Variants in ST18 observed in about 807,000 individuals in gnomAD.
The protein encoded by ST18 is ST18 C2H2C-type zinc finger transcription factor.
ST18 carries 50 observed loss-of-function variants against 110.0 expected under a neutral mutation model. That is an observed-to-expected ratio of 0.45 (90% CI 0.36 to 0.58). The LOEUF (loss-of-function observed/expected upper bound fraction) is 0.58. Among genes scored for constraint, ST18 ranks in the 20% least tolerant of loss-of-function variants. ST18 has a pLI of 0.00. For missense variants in ST18, 1,306 were observed against 1,280.1 expected, an observed-to-expected ratio of 1.02 and a Z score of -0.31; for synonymous variants, 461 against 452.4, an observed-to-expected ratio of 1.02 and a Z score of -0.24.
At chr8:52,262,110 C>A (rs1436291580) in intron 2 of ST18, among the ~76,000 whole-genome samples, 1 of 152,146 alleles carries the variant, frequency 6.6e-6, no homozygotes. Context: ...TGAAAGGATG[C>A]AAGGGGAAGA....
intron 8 of ST18, among the ~76,000 whole-genome samples, chr8:52,195,173 T>C (rs887978282): frequency 1.3e-5 from 2 of 152,162 alleles, no homozygotes; most frequent in African/African-American, 4.8e-5. Flanking sequence ...CATAGGGATG[T>C]ACCCGGAAGA....
chr8:52,370,600 A>G (rs1829918041), intron 2 of ST18, among the ~76,000 whole-genome samples: 2 of 152,194 alleles, frequency 1.3e-5, no homozygotes, highest in African/African-American at 4.8e-5. Context: ...ACAAGTATAC[A>G]GATTTTGAAG....
intron 2 of ST18, among the ~76,000 whole-genome samples, chr8:52,389,942 CAACAACAACAA>C (rs752809347): frequency 2.0e-4 from 30 of 152,174 alleles, no homozygotes; most frequent in Non-Finnish European, 4.1e-4. Flanking sequence ...ACAACAACAA[CAACAACAACAA>C]AAAGTTTAAT....
intron 10 of ST18, among the ~76,000 whole-genome samples, chr8:52,168,571 G>A (rs1289966452): frequency 6.6e-6 from 1 of 152,102 alleles, no homozygotes; most frequent in Non-Finnish European, 1.5e-5. Context: ...GATCCTTCGA[G>A]TCGTTCTGCG....
At chr8:52,353,634 C>A (rs1460021639) in intron 2 of ST18, among the ~76,000 whole-genome samples, 1 of 152,098 alleles carries the variant, frequency 6.6e-6, no homozygotes, top group Non-Finnish European at 1.5e-5. Context: ...GAGTTTTAAT[C>A]AGGTGTTTCA....
chr8:52,305,947 C>T (rs902448859), intron 2 of ST18, among the ~76,000 whole-genome samples: 36 of 152,192 alleles, frequency 2.4e-4, no homozygotes, highest in African/African-American at 8.2e-4. Flanking sequence ...TCCTTCAGGG[C>T]CTCCCTGTGT....
At chr8:52,132,964 A>G in intron 21 of ST18, 93 bp downstream of exon 21, 2 of 1,406,394 alleles carry the variant, frequency 1.4e-6, no homozygotes, top group South Asian at 1.2e-5. Context: ...CTTCCCTGAA[A>G]CTCAATCCGT....
chr8:52,366,102 T>A (rs560302939), intron 2 of ST18, among the ~76,000 whole-genome samples: 2 of 152,178 alleles, frequency 1.3e-5, no homozygotes, highest in East Asian at 3.9e-4. Context: ...TTGTCCAGAA[T>A]CATTCCGCTG....
At chr8:52,176,813 A>C (rs2067140298) in intron 9 of ST18, among the ~76,000 whole-genome samples, 1 of 152,126 alleles carries the variant, frequency 6.6e-6, no homozygotes, top group Non-Finnish European at 1.5e-5. Flanking sequence ...GTAACACTGG[A>C]TGTTATTATA....
intron 2 of ST18, among the ~76,000 whole-genome samples, chr8:52,243,701 G>A (rs772719278): frequency 3.4e-4 from 52 of 152,168 alleles, no homozygotes; most frequent in Admixed American, 7.2e-4. Context: ...TAAGCACTTC[G>A]CAAATGTTAA....
intron 7 of ST18, 131 bp from the exon 8 acceptor site, chr8:52,212,240 G>T: frequency 1.2e-6 from 1 of 807,490 alleles, no homozygotes; most frequent in Non-Finnish European, 1.9e-6. Context: ...ATCTTTTCTT[G>T]TTCTAGTTCT....
chr8:52,348,114 G>T (rs373980894), intron 2 of ST18, among the ~76,000 whole-genome samples: 3 of 152,048 alleles, frequency 2.0e-5, no homozygotes, highest in East Asian at 1.9e-4. Flanking sequence ...GTGGAGGAAA[G>T]GGAAGGAAGA....
chr8:52,130,119 A>AAAGAAAGAAAAGAAAGAAAG (rs67888949), intron 22 of ST18, among the ~76,000 whole-genome samples: 23 of 105,242 alleles, frequency 2.2e-4, no homozygotes, highest in East Asian at 1.7e-3. Flanking sequence ...AGAAAGAAAG[A>AAAGAAAGAAAAGAAAGAAAG]AAAGAAAGAA....
At chr8:52,278,898 C>T (rs1360555277) in intron 2 of ST18, among the ~76,000 whole-genome samples, 2 of 152,148 alleles carry the variant, frequency 1.3e-5, no homozygotes, top group Non-Finnish European at 2.9e-5. Flanking sequence ...TCTGGGTTGC[C>T]TCCTGCTGGA....
chr8:52,125,045 T>C (rs2046465949), intron 23 of ST18, among the ~76,000 whole-genome samples: 1 of 152,154 alleles, frequency 6.6e-6, no homozygotes, highest in Admixed American at 6.5e-5. Context: ...TCATTGTTTC[T>C]CAAATGCTTT....
At chr8:52,357,719 AT>A (rs1564568778) in intron 2 of ST18, among the ~76,000 whole-genome samples, 6 of 72,810 alleles carry the variant, frequency 8.2e-5, no homozygotes, top group East Asian at 9.0e-4. Context: ...ATATATATAT[AT>A]ATATATATAT....
chr8:52,342,290 G>T (rs528207397), intron 2 of ST18, among the ~76,000 whole-genome samples: 1 of 151,886 alleles, frequency 6.6e-6, no homozygotes, highest in Non-Finnish European at 1.5e-5. Flanking sequence ...CATATTCATG[G>T]GAGGAATCCA....
At position 52,141,572 on chromosome 8, in the gene ST18, A is replaced by G. The variant is rs28414482; in HGVS notation, c.2168+1358T>C. Among the ~76,000 whole-genome samples the G allele has an allele frequency of 4.4e-3, 666 of 152,228 alleles. 5 individuals are homozygous for G. Among genetic ancestry groups the G allele is most frequent in the African/African-American group, 0.016 (646 of 41,536 alleles). The stretch of plus-strand genomic sequence containing the variant: ...AATAGAGAGTGGAGGGAAGTGAAGA[A>G]AAGATCTGGGAATGGGAGCATCAGG... On this transcript the variant is annotated intron_variant, in intron 17 of 25. Transcript: ENST00000689386.
Position 52,132,168 on chromosome 8 carries a change from A to G in ST18, c.2456T>C (p.Ile819Thr), listed in dbSNP as rs756170751. ...TATGTGACCTTGGCCATCACACCCT[A>G]TCACAGGACATCTAGAGAGAAAGCA... Reference protein sequence around the residue: ...KEDPELKCPVIGCDGQGHISG... With the variant: ...KEDPELKCPVTGCDGQGHISG... Residue 819 changes from isoleucine (I) to threonine (T), a missense_variant, in exon 22 of 26, where the codon ATA (isoleucine) becomes ACA (threonine). Ile to Thr is a moderately conservative substitution (Grantham distance 89). Coordinates refer to ENST00000689386, the MANE Select transcript of ST18 (RefSeq NM_001352837.2). 3.1e-6 allele frequency: 5 copies of G among 1,611,844 alleles called. No homozygotes were observed. The South Asian group carries it at 5.5e-5, about 18-fold the overall frequency.
Sources: allele counts gnomAD v4.1 joint callset (sites outside exome capture counted in the v4.1 genomes callset), GRCh38; gene constraint gnomAD v4.1.1; transcripts MANE v1.5; gene names NCBI Gene and HGNC (gene_info 2026-07-23, HGNC 2026-07-21).